Variants in ZNF440 observed in about 807,000 individuals in gnomAD.
ZNF440 encodes zinc finger protein 440.
ZNF440 carries 47 observed loss-of-function variants against 49.7 expected under a neutral mutation model. The observed-to-expected ratio is 0.95, with a 90% CI of 0.75 to 1.21. ZNF440 has a LOEUF of 1.21. Ranked by LOEUF, ZNF440 falls within the 50% of genes most tolerant of loss-of-function variation. The probability of loss-of-function intolerance (pLI) is 0.00; values close to 1 mark genes in which losing one functional copy is unlikely to be tolerated. For missense variants in ZNF440, 703 were observed against 715.0 expected (o/e 0.98, Z 0.19); for synonymous variants, 255 against 237.7 (o/e 1.07, Z -0.67).
chr19:11,828,620 C>CT (rs1975895097), intron 1 of ZNF440, among the ~76,000 whole-genome samples: 1 of 151,668 alleles, frequency 6.6e-6, no homozygotes, highest in Non-Finnish European at 1.5e-5. Context: ...TTGTATTTTG[C>CT]TTTTTTCAAT....
chr19:11,832,308 C>A lies in ZNF440; in HGVS notation c.1132C>A (p.Pro378Thr). ...ATGTAAGCAGTGTGGTAAAGCCTTCCCTCATTCCAGTTCCCTTCGATATCA... is the reference window on the plus strand; with the variant it reads ...ATGTAAGCAGTGTGGTAAAGCCTTCACTCATTCCAGTTCCCTTCGATATCA... ...YKCKQCGKAF[P>T]HSSSLRYHER... The change falls in exon 4 of 4, where the codon CCT becomes ACT. Residue 378 changes from proline (P) to threonine (T), a missense_variant. Pro to Thr is a conservative substitution (Grantham distance 38). Transcript: ENST00000304060. The A allele has an allele frequency of 1.2e-6, 2 of 1,613,930 alleles. No homozygotes were observed. Among genetic ancestry groups the A allele is most frequent in the Non-Finnish European group, 1.7e-6 (2 of 1,179,990 alleles).
At position 11,825,721 on chromosome 19, in the gene ZNF440, A is replaced by G. The variant is rs1448279739; in HGVS notation, c.4-4562A>G. On this transcript the variant is annotated intron_variant, in intron 1 of 3. Coordinates refer to ENST00000304060, the MANE Select transcript of ZNF440 (RefSeq NM_152357.3). ...GGTCTCAAACTCCCCAGCTCAGGTG[A>G]TCCTCCCGCCTCAGCTTCCCAAAGT... Among the ~76,000 whole-genome samples, 5 of 150,688 alleles carry G rather than the reference A, an allele frequency of 3.3e-5. No individual in the cohort carries two copies. In the East Asian group the frequency reaches 9.7e-4, roughly 29 times the overall value.
Position 11,833,455 on chromosome 19 carries a change from T to C in ZNF440, c.*491T>C, listed in dbSNP as rs10411874. The C allele has an allele frequency of 3.5e-3, 1,259 of 358,506 alleles. 8 individuals are homozygous for C. The highest frequency in any genetic ancestry group is 0.026 in the African/African-American group (1,187 of 46,034). 22.2% of individuals were successfully genotyped at this position (358,506 alleles called of 1,614,324 possible). On this transcript the variant is annotated 3_prime_UTR_variant, in exon 4 of 4. Transcript: ENST00000304060. ...CATTCAGCTTGCCTACTTCCTTTCA[T>C]AGACATGAAAAGACTCACACTGGAA...
intron 1 of ZNF440, among the ~76,000 whole-genome samples, chr19:11,815,122 A>C (rs533075201): frequency 1.3e-5 from 2 of 152,000 alleles, no homozygotes; most frequent in African/African-American, 2.4e-5. Flanking sequence ...TAAAAATACA[A>C]AAAAATTAAC....
Position 11,832,639 on chromosome 19 carries a change from G to T in ZNF440, c.1463G>T (p.Cys488Phe). Reference protein sequence around the residue: ...KTHTGEKLYECKQRSVVPSVV... With the variant: ...KTHTGEKLYEFKQRSVVPSVV... Reference sequence around the variant, plus strand: ...CACACTGGAGAGAAACTCTATGAATGCAAGCAACGTTCAGTAGTTCCTTCA... The same window carrying T: ...CACACTGGAGAGAAACTCTATGAATTCAAGCAACGTTCAGTAGTTCCTTCA... The change falls in exon 4 of 4, where the codon TGC becomes TTC. Residue 488 changes from cysteine to phenylalanine, a missense_variant. Cys to Phe is a radical substitution (Grantham distance 205). Coordinates refer to ENST00000304060, the MANE Select transcript of ZNF440 (RefSeq NM_152357.3). 6.2e-7 allele frequency: 1 copy of T among 1,613,660 alleles called. No individual in the cohort carries two copies. Among genetic ancestry groups the T allele is most frequent in the Non-Finnish European group, 8.5e-7 (1 of 1,179,894 alleles).
chr19:11,825,164 AAATAAAAAAT>A (rs1280831178), intron 1 of ZNF440, among the ~76,000 whole-genome samples: 1 of 147,406 alleles, frequency 6.8e-6, no homozygotes, highest in Non-Finnish European at 1.5e-5. Context: ...AAAATAAAAA[AAATAAAAAAT>A]AATAAAAAAT....
rs774378462 is a variant in ZNF440 at position 11,831,616 on chromosome 19, A to C, written c.440A>C (p.Gln147Pro). The C allele has an allele frequency of 1.9e-6, 3 of 1,614,196 alleles. No homozygotes were observed. Among genetic ancestry groups the C allele is most frequent in the Non-Finnish European group, 2.5e-6 (3 of 1,180,022 alleles). ...TATGGACCAAAGCCATGTAAGTGTCAACAACCTAAAAAAGCCTTCAGATAC... is the reference window on the plus strand; with the variant it reads ...TATGGACCAAAGCCATGTAAGTGTCCACAACCTAAAAAAGCCTTCAGATAC... Reference protein sequence around the residue: ...QEYGPKPCKCQQPKKAFRYRP... With the variant: ...QEYGPKPCKCPQPKKAFRYRP... The change falls in exon 4 of 4, where the codon CAA becomes CCA. Residue 147 changes from glutamine (Q) to proline (P), a missense_variant. Gln to Pro is a moderately conservative substitution (Grantham distance 76, BLOSUM62 -1). Coordinates refer to ENST00000304060, the MANE Select transcript of ZNF440 (RefSeq NM_152357.3).
chr19:11,833,540 T>A lies in ZNF440; in HGVS notation c.*576T>A. 1 of 274,524 alleles carries A rather than the reference T, an allele frequency of 3.6e-6. No homozygotes were observed. The highest frequency in any genetic ancestry group is 3.9e-5 in the South Asian group (1 of 25,858). 17.0% of individuals were successfully genotyped at this position (274,524 alleles called of 1,614,324 possible). On this transcript the variant is annotated 3_prime_UTR_variant, in exon 4 of 4. Transcript: ENST00000304060. ...TTTCACTTCTTCCAGTTCTTTTCAA[T>A]ATCATGAAAGAACACACTAGGGAGA...
rs1975998271 is a variant in ZNF440, at chr19:11,834,774, TAA to T, written c.*1813_*1814del. On this transcript the variant is annotated 3_prime_UTR_variant, in exon 4 of 4. Coordinates refer to ENST00000304060, the MANE Select transcript of ZNF440 (RefSeq NM_152357.3). ...TATGTGACACGTGTCTCTCCAACAA[TAA>T]AAGACTTGGCCTTGGCTGGGCATGG... 1 of 152,248 alleles carries T rather than the reference TAA, an allele frequency of 6.6e-6. No individual in the cohort carries two copies. Among genetic ancestry groups the T allele is most frequent in the African/African-American group, 2.4e-5 (1 of 41,452 alleles). The allele number at this position is 152,248 out of a possible 1,614,324, so 9.4% of individuals were successfully genotyped here.
In ZNF440 at chr19:11,814,403, G is replaced by A. The variant is rs913998704; in HGVS notation, c.-45G>A. 1.3e-6 allele frequency: 2 copies of A among 1,558,706 alleles called. No homozygotes were observed. Among genetic ancestry groups the A allele is most frequent in the South Asian group, 2.4e-5 (2 of 84,916 alleles). ...ACCTGCACTGTGACCTACACTAGTC[G>A]CGGGAGCCACGCAGAGGACGCCGGA... On this transcript the variant is annotated 5_prime_UTR_variant, in exon 1 of 4. Coordinates refer to ENST00000304060, the MANE Select transcript of ZNF440 (RefSeq NM_152357.3).
chr19:11,823,224 C>T (rs971858171), intron 1 of ZNF440, among the ~76,000 whole-genome samples: 1 of 152,116 alleles, frequency 6.6e-6, no homozygotes, highest in South Asian at 2.1e-4. Flanking sequence ...TAATCTCATT[C>T]AGAAAGGATC....
At chr19:11,820,050 T>C (rs1386651227) in intron 1 of ZNF440, among the ~76,000 whole-genome samples, 3 of 152,192 alleles carry the variant, frequency 2.0e-5, no homozygotes, top group Non-Finnish European at 4.4e-5. Context: ...ACATTTCACA[T>C]GAGAGGAAAG....
At chr19:11,825,216 C>T (rs931675104) in intron 1 of ZNF440, among the ~76,000 whole-genome samples, 1 of 151,756 alleles carries the variant, frequency 6.6e-6, no homozygotes, top group African/African-American at 2.4e-5. Context: ...ACCAAAGAAA[C>T]CATATTGACT....
At chr19:11,822,739 C>T (rs1457895780) in intron 1 of ZNF440, among the ~76,000 whole-genome samples, 4 of 150,764 alleles carry the variant, frequency 2.7e-5, no homozygotes, top group Non-Finnish European at 4.4e-5. Flanking sequence ...CCCAGCTACT[C>T]AGGAGGCTGA....
chr19:11,832,214 A>G lies in ZNF440; in HGVS notation c.1038A>G (p.Gly346=), dbSNP rs1176594069. 3 of 1,614,140 alleles carry G rather than the reference A, an allele frequency of 1.9e-6. No homozygotes were observed. Among genetic ancestry groups the G allele is most frequent in the Non-Finnish European group, 1.7e-6 (2 of 1,180,020 alleles). ...GACCTTATGAATGTAAGATATGTGG[A>G]AAAGACTTTTGTTCTGTGAATTCAT... ...GERPYECKIC[G]KDFCSVNSFQ... is the part of the protein sequence containing the mutation. The change falls in exon 4 of 4, where the codon GGA becomes GGG. Residue 346 remains glycine, a synonymous_variant. Coordinates refer to ENST00000304060, the MANE Select transcript of ZNF440 (RefSeq NM_152357.3).
intron 1 of ZNF440, among the ~76,000 whole-genome samples, chr19:11,821,531 C>T (rs1975799472): frequency 6.6e-6 from 1 of 152,068 alleles, no homozygotes; most frequent in African/African-American, 2.4e-5. Flanking sequence ...AAACAAAGAC[C>T]ACCCCAGCAG....
chr19:11,826,449 G>C (rs1975867373), intron 1 of ZNF440, among the ~76,000 whole-genome samples: 1 of 152,046 alleles, frequency 6.6e-6, no homozygotes, highest in African/African-American at 2.4e-5. Context: ...CAATATGTAG[G>C]AATGAGACTA....
chr19:11,833,853 A>G lies in ZNF440; in HGVS notation c.*889A>G, dbSNP rs1975985209. The G allele has an allele frequency of 1.3e-5, 7 of 535,754 alleles. No homozygotes were observed. In the South Asian group the frequency reaches 1.8e-4, roughly 14 times the overall value. 33.2% of individuals were successfully genotyped at this position (535,754 alleles called of 1,614,324 possible). A position where few individuals can be genotyped will look rare whatever the true frequency, so the allele number is the denominator to read the frequency against. On this transcript the variant is annotated 3_prime_UTR_variant, in exon 4 of 4. Coordinates refer to ENST00000304060, the MANE Select transcript of ZNF440 (RefSeq NM_152357.3). ...ATGTAAGCAGTATGGGAAAGCGTTC[A>G]GACCTGACAAGATTCTTTGAATACA...
intron 1 of ZNF440, among the ~76,000 whole-genome samples, chr19:11,827,213 G>A (rs540361563): frequency 2.6e-5 from 4 of 151,952 alleles, no homozygotes; most frequent in African/African-American, 9.7e-5. Flanking sequence ...ACAGGCTCAT[G>A]CCACCAGGCC....
Sources: gnomAD v4.1 joint callset for allele counts (sites outside exome capture counted in the v4.1 genomes callset) on GRCh38, gnomAD v4.1.1 for gene constraint, MANE v1.5 for transcripts, NCBI Gene and HGNC (gene_info 2026-07-23, HGNC 2026-07-21) for gene names.